Variants in NF1 observed in about 807,000 individuals in gnomAD.
NF1 encodes neurofibromin 1.
In NF1, 122 loss-of-function variants were observed where a neutral mutation model predicts 325.7. The ratio of observed to expected loss-of-function variants is 0.37; its 90% CI spans 0.32 to 0.44. The LOEUF is 0.44. NF1 is among the 20% of genes least tolerant of loss of function. NF1 has a pLI of 1.00. For missense variants in NF1, 2,140 were observed against 3,415.4 expected, an observed-to-expected ratio of 0.63 and a Z score of 9.31; for synonymous variants, 1,091 against 1,186.0, an observed-to-expected ratio of 0.92 and a Z score of 1.65.
At chr17:31,320,721 A>T (rs1295769671) in intron 36 of NF1, among the ~76,000 whole-genome samples, 1 of 152,214 alleles carries the variant, frequency 6.6e-6, no homozygotes, top group East Asian at 1.9e-4. Context: ...GCTTTTGTAT[A>T]ATAGTGTTCA....
chr17:31,118,749 A>G (rs558636924), intron 1 of NF1, among the ~76,000 whole-genome samples: 3 of 152,336 alleles, frequency 2.0e-5, no homozygotes, highest in South Asian at 2.1e-4. Context: ...CGCAATAAAC[A>G]TAGGTGTACA....
intron 29 of NF1, among the ~76,000 whole-genome samples, chr17:31,237,373 C>T (rs2067221700): frequency 6.6e-6 from 1 of 152,166 alleles, no homozygotes; most frequent in South Asian, 2.1e-4. Context: ...GTGCAGGACT[C>T]AAGCGATTCT....
chr17:31,289,906 T>C (rs1382433117), intron 36 of NF1, among the ~76,000 whole-genome samples: 2 of 152,016 alleles, frequency 1.3e-5, no homozygotes, highest in African/African-American at 2.4e-5. Flanking sequence ...TTCCCCATCG[T>C]TGGTTTTTTT....
rs864622064 is a variant in NF1 at position 31,200,575 on chromosome 17, T to C, written c.1042T>C (p.Ser348Pro). 1.2e-6 allele frequency: 2 copies of C among 1,614,164 alleles called. No individual in the cohort carries two copies. Among genetic ancestry groups the C allele is most frequent in the Non-Finnish European group, 1.7e-6 (2 of 1,180,008 alleles). The change falls in exon 9 of 58, where the codon TCC (serine) becomes CCC (proline). Residue 348 changes from serine (S) to proline (P), a missense_variant. Physicochemically the swap from Ser to Pro is moderately conservative, Grantham distance 74 (BLOSUM62 -1). Coordinates refer to ENST00000358273, the MANE Select transcript of NF1 (RefSeq NM_001042492.3). ...DNSVIFLLVQ[S>P]MVVDLKNLLF... ...CTCTGTCATTTTCCTACTTGTTCAGTCCATGGTGGTTGATCTTAAGGTAAC... is the reference window on the plus strand; with the variant it reads ...CTCTGTCATTTTCCTACTTGTTCAGCCCATGGTGGTTGATCTTAAGGTAAC...
intron 36 of NF1, among the ~76,000 whole-genome samples, chr17:31,307,709 A>G (rs182197756): frequency 6.6e-5 from 10 of 152,236 alleles, no homozygotes; most frequent in Non-Finnish European, 1.3e-4. Flanking sequence ...CTTGTTTTGC[A>G]CATCATCAAA....
At chr17:31,285,802 G>A (rs1023613956) in intron 36 of NF1, among the ~76,000 whole-genome samples, 1 of 152,142 alleles carries the variant, frequency 6.6e-6, no homozygotes, top group African/African-American at 2.4e-5. Context: ...CTGGGTGACA[G>A]TGAGACCCTG....
chr17:31,108,919 G>A (rs1473934024), intron 1 of NF1, among the ~76,000 whole-genome samples: 2 of 152,074 alleles, frequency 1.3e-5, no homozygotes, highest in Admixed American at 1.3e-4. Context: ...TTTTCACAGG[G>A]ATCTATGAGA....
chr17:31,188,822 G>C (rs1362196043), intron 8 of NF1, among the ~76,000 whole-genome samples: 2 of 152,132 alleles, frequency 1.3e-5, no homozygotes, highest in Non-Finnish European at 2.9e-5. Flanking sequence ...TTCCTCCTGT[G>C]CTGGTTGCTT....
At chr17:31,095,580 T>C in intron 1 of NF1, 2 of 497,168 alleles carry the variant, frequency 4.0e-6, no homozygotes, top group South Asian at 2.1e-5. Context: ...TGGGCACCCT[T>C]TCCCTCCTAA....
intron 36 of NF1, chr17:31,320,362 C>T (rs1300888473): frequency 4.6e-6 from 7 of 1,522,882 alleles, no homozygotes; most frequent in Admixed American, 2.2e-5. Context: ...AAAAAAAAGG[C>T]AGATTCTTAC....
At chr17:31,370,603 G>A (rs544193442) in intron 57 of NF1, among the ~76,000 whole-genome samples, 1 of 152,270 alleles carries the variant, frequency 6.6e-6, no homozygotes, top group South Asian at 2.1e-4. Flanking sequence ...CTTCACCCTA[G>A]TGACTTCATC....
chr17:31,329,982 C>T (rs962247804), intron 38 of NF1, among the ~76,000 whole-genome samples: 1 of 152,066 alleles, frequency 6.6e-6, no homozygotes, highest in Admixed American at 6.5e-5. Flanking sequence ...CACATTAGGA[C>T]CATAAGTCCT....
intron 11 of NF1, among the ~76,000 whole-genome samples, chr17:31,203,292 A>G (rs1271197980): frequency 6.6e-6 from 1 of 152,226 alleles, no homozygotes; most frequent in Non-Finnish European, 1.5e-5. Context: ...AGATCAAGTT[A>G]TATGAAAATC....
At chr17:31,180,228 C>T (rs2066102341) in intron 5 of NF1, among the ~76,000 whole-genome samples, 1 of 152,222 alleles carries the variant, frequency 6.6e-6, no homozygotes, top group Admixed American at 6.5e-5. Context: ...AGTGAATCCT[C>T]CCTAACTCAT....
chr17:31,167,675 C>A (rs2953016), intron 4 of NF1, among the ~76,000 whole-genome samples: 4 of 151,950 alleles, frequency 2.6e-5, no homozygotes, highest in South Asian at 2.1e-4. Flanking sequence ...TTAGCAATAC[C>A]AACTTTTGAA....
intron 11 of NF1, among the ~76,000 whole-genome samples, chr17:31,202,499 T>A (rs2066548116): frequency 6.6e-6 from 1 of 152,230 alleles, no homozygotes; most frequent in Admixed American, 6.5e-5. Flanking sequence ...GTGATACATT[T>A]AATTTTTCTC....
Position 31,225,102 on chromosome 17 carries a change from A to G in NF1, c.1853A>G (p.Asp618Gly). The G allele has an allele frequency of 6.2e-7, 1 of 1,613,608 alleles. No individual in the cohort carries two copies. ...TTATTTATTTTTTTCTAGCAGGCAG[A>G]TAGAAGTTCCTGTCACTTTCTCCTT... ...NKFLLKNKQA[D>G]RSSCHFLLFY... Residue 618 changes from aspartate to glycine, a missense_variant, in exon 17 of 58, where the codon GAT (aspartate) becomes GGT (glycine). Transcript: ENST00000358273.
intron 36 of NF1, chr17:31,318,048 AT>A (rs763223416): frequency 1.6e-5 from 7 of 436,216 alleles, no homozygotes; most frequent in East Asian, 7.9e-5. Context: ...AGTTTCCTCA[AT>A]TTATCCTTAA....
intron 36 of NF1, chr17:31,295,332 A>G: frequency 3.1e-6 from 5 of 1,614,106 alleles, no homozygotes; most frequent in South Asian, 2.2e-5. Context: ...TCTTCTGGAT[A>G]GGGCACAAAA....
Sources: gnomAD v4.1 joint callset for allele counts (sites outside exome capture counted in the v4.1 genomes callset) on GRCh38, gnomAD v4.1.1 for gene constraint, MANE v1.5 for transcripts, NCBI Gene and HGNC (gene_info 2026-07-23, HGNC 2026-07-21) for gene names.